CTNNA3: variants seen among roughly 807,000 people sequenced by gnomAD.
The protein encoded by CTNNA3 is catenin alpha-3.
In CTNNA3, 76 loss-of-function variants were observed where a neutral mutation model predicts 95.7. That is an observed-to-expected ratio of 0.79 (90% CI 0.66 to 0.96). The LOEUF (loss-of-function observed/expected upper bound fraction) is 0.96, where lower values mean the gene tolerates loss of function less well. Among genes scored for constraint, CTNNA3 ranks in the 40% least tolerant of loss-of-function variants. The probability of loss-of-function intolerance (pLI) is 0.00; values close to 1 mark genes in which losing one functional copy is unlikely to be tolerated. For missense variants in CTNNA3, 1,191 were observed against 1,089.8 expected, an observed-to-expected ratio of 1.09 and a Z score of -1.31; for synonymous variants, 431 against 374.4, an observed-to-expected ratio of 1.15 and a Z score of -1.74.
chr10:66,737,718 G>GGT (rs1849192539), intron 9 of CTNNA3, among the ~76,000 whole-genome samples: 2 of 151,110 alleles, frequency 1.3e-5, no homozygotes, highest in Non-Finnish European at 2.9e-5. Flanking sequence ...CGAGTGCACT[G>GGT]GTGTGATCAT....
chr10:66,523,726 C>T (rs1441547989), intron 10 of CTNNA3, among the ~76,000 whole-genome samples: 2 of 151,990 alleles, frequency 1.3e-5, no homozygotes, highest in Non-Finnish European at 2.9e-5. Context: ...GAGTTCGGGC[C>T]TTATTATATC....
chr10:66,281,904 C>T (rs34240190), intron 12 of CTNNA3, among the ~76,000 whole-genome samples: 28,153 of 151,722 alleles, frequency 0.19, 2,890 homozygotes, highest in Admixed American at 0.27. Context: ...CACTGTGCTC[C>T]TATTCTCTGT....
chr10:66,481,728 C>T (rs1839543205), intron 11 of CTNNA3, among the ~76,000 whole-genome samples: 1 of 134,460 alleles, frequency 7.4e-6, no homozygotes. Context: ...GCCTCGGCCT[C>T]CCAAAGTGCT....
intron 5 of CTNNA3, among the ~76,000 whole-genome samples, chr10:67,475,643 G>T (rs565761231): frequency 6.6e-6 from 1 of 152,036 alleles, no homozygotes; most frequent in Non-Finnish European, 1.5e-5. Context: ...AACAAAAAAC[G>T]TTAACTTCCA....
chr10:67,167,114 A>T (rs368888934), intron 7 of CTNNA3, among the ~76,000 whole-genome samples: 1 of 151,534 alleles, frequency 6.6e-6, no homozygotes, highest in African/African-American at 2.4e-5. Flanking sequence ...CTCAAAAAAA[A>T]GAAAAAAAAA....
chr10:66,622,308 C>T (rs1844777344), intron 9 of CTNNA3, among the ~76,000 whole-genome samples: 2 of 152,136 alleles, frequency 1.3e-5, no homozygotes, highest in South Asian at 2.1e-4. Flanking sequence ...TCTTGATTTT[C>T]CACTACAACT....
intron 13 of CTNNA3, among the ~76,000 whole-genome samples, chr10:66,191,144 T>G (rs539259340): frequency 6.6e-6 from 1 of 152,258 alleles, no homozygotes; most frequent in Admixed American, 6.5e-5. Flanking sequence ...AGGTTCTAAA[T>G]CTAAGAACTT....
intron 1 of CTNNA3, among the ~76,000 whole-genome samples, chr10:67,729,773 G>A (rs1564842210): frequency 6.6e-6 from 1 of 152,132 alleles, no homozygotes; most frequent in Non-Finnish European, 1.5e-5. Flanking sequence ...GAACTAGATA[G>A]AGGAGGTAGT....
intron 5 of CTNNA3, among the ~76,000 whole-genome samples, chr10:67,450,033 G>A (rs1369223487): frequency 1.3e-5 from 2 of 151,966 alleles, no homozygotes; most frequent in Non-Finnish European, 2.9e-5. Context: ...TGGCCAACAA[G>A]CATATGAAAA....
chr10:67,706,217 T>G (rs1279294765), intron 1 of CTNNA3, among the ~76,000 whole-genome samples: 1 of 152,012 alleles, frequency 6.6e-6, no homozygotes, highest in Non-Finnish European at 1.5e-5. Context: ...GAGGTGTAGA[T>G]TAACTGTCTG....
chr10:66,745,755 ATT>A (rs34185477), intron 9 of CTNNA3, among the ~76,000 whole-genome samples: 1,396 of 128,148 alleles, frequency 0.011, 25 homozygotes, highest in African/African-American at 0.035. Flanking sequence ...ACACCTCGCT[ATT>A]TTTTTTTTTT....
chr10:66,452,885 A>T (rs1034310448), intron 11 of CTNNA3, among the ~76,000 whole-genome samples: 3 of 151,834 alleles, frequency 2.0e-5, no homozygotes, highest in African/African-American at 4.8e-5. Context: ...AGCATTCCCC[A>T]TCCCCTAGCC....
intron 9 of CTNNA3, among the ~76,000 whole-genome samples, chr10:66,634,799 T>C (rs1845279668): frequency 6.6e-6 from 1 of 152,070 alleles, no homozygotes; most frequent in Non-Finnish European, 1.5e-5. Context: ...TCAACATTGT[T>C]CTGAAAAAGA....
intron 1 of CTNNA3, among the ~76,000 whole-genome samples, chr10:67,660,138 A>C (rs573711814): frequency 6.6e-6 from 1 of 152,338 alleles, no homozygotes; most frequent in East Asian, 1.9e-4. Flanking sequence ...AATTTTAAAA[A>C]GTCTCTGCTA....
intron 5 of CTNNA3, among the ~76,000 whole-genome samples, chr10:67,314,613 G>A (rs1490334191): frequency 1.3e-5 from 2 of 152,092 alleles, no homozygotes; most frequent in Middle Eastern, 3.2e-3. Flanking sequence ...CTCAACAAGA[G>A]TAAAATGTTC....
chr10:66,798,237 A>G (rs1192535625), intron 7 of CTNNA3, among the ~76,000 whole-genome samples: 1 of 151,824 alleles, frequency 6.6e-6, no homozygotes, highest in Non-Finnish European at 1.5e-5. Flanking sequence ...TAAAATACCC[A>G]TGGAAACATA....
intron 1 of CTNNA3, among the ~76,000 whole-genome samples, chr10:67,705,078 A>T (rs1328799193): frequency 1.3e-5 from 2 of 152,222 alleles, no homozygotes; most frequent in African/African-American, 4.8e-5. Context: ...CCACAATGAG[A>T]TACCATCTCA....
At chr10:67,052,740 G>T (rs1359833755) in intron 7 of CTNNA3, 1 of 151,912 alleles carries the variant, frequency 6.6e-6, no homozygotes, top group Non-Finnish European at 1.5e-5. Flanking sequence ...CAGCCAACAA[G>T]TTTTACTACA....
chr10:67,175,752 C>A, intron 7 of CTNNA3, among the ~76,000 whole-genome samples: 1 of 152,160 alleles, frequency 6.6e-6, no homozygotes, highest in East Asian at 1.9e-4. Context: ...TCCAACCCAA[C>A]TACAACAATA....
Sources: gnomAD v4.1 joint callset for allele counts (sites outside exome capture counted in the v4.1 genomes callset) on GRCh38, gnomAD v4.1.1 for gene constraint, MANE v1.5 for transcripts, NCBI Gene and HGNC (gene_info 2026-07-23, HGNC 2026-07-21) for gene names.